KPNA6: variants seen among roughly 807,000 people sequenced by gnomAD.
KPNA6 encodes karyopherin subunit alpha 6, also known as importin subunit alpha-7.
In KPNA6, 9 loss-of-function variants were observed where a neutral mutation model predicts 72.0. The ratio of observed to expected loss-of-function variants is 0.13; its 90% CI spans 0.08 to 0.22. The LOEUF is 0.22. Ranked by LOEUF, KPNA6 falls within the 10% of genes least tolerant of loss-of-function variation. The probability of loss-of-function intolerance (pLI) is 1.00; values close to 1 mark genes in which losing one functional copy is unlikely to be tolerated. For missense variants in KPNA6, 374 were observed against 655.7 expected, an observed-to-expected ratio of 0.57 and a Z score of 4.69; for synonymous variants, 219 against 242.1, an observed-to-expected ratio of 0.90 and a Z score of 0.89.
chr1:32,176,079 G>A lies in KPNA6; in HGVS notation c.*5185G>A, dbSNP rs183710992. ...CAAGATTGTGCCAGCCTGGGCGACA[G>A]GGTGAGGCTCTTGTCTCAAAAAAAA... On this transcript the variant is annotated 3_prime_UTR_variant, in exon 14 of 14. Transcript: ENST00000373625. The A allele has an allele frequency of 1.3e-5, 2 of 152,226 alleles. No homozygotes were observed. The highest frequency in any genetic ancestry group is 4.8e-5 in the African/African-American group (2 of 41,526). The allele number at this position is 152,226 out of a possible 1,614,324, so 9.4% of individuals were successfully genotyped here.
rs77360372 is a variant in KPNA6 at position 32,141,268 on chromosome 1, G to A, written c.5-13320G>A. 5.8e-3 allele frequency among the ~76,000 whole-genome samples: 865 copies of A among 149,450 alleles called. 12 individuals carry two copies. The highest frequency in any genetic ancestry group is 0.02 in the African/African-American group (834 of 40,708). ...GAATCTCAAAATGTTAAACATACCA[G>A]TGATTAAATGGAGCACTATGGCAAT... On this transcript the variant is annotated intron_variant, in intron 1 of 13. Coordinates refer to ENST00000373625, the MANE Select transcript of KPNA6 (RefSeq NM_012316.5).
chr1:32,139,012 C>T (rs1641791682), intron 1 of KPNA6, among the ~76,000 whole-genome samples: 1 of 152,122 alleles, frequency 6.6e-6, no homozygotes, highest in South Asian at 2.1e-4. Context: ...TGCTTCACTC[C>T]AGTCACAAGG....
intron 6 of KPNA6, among the ~76,000 whole-genome samples, chr1:32,160,116 G>A (rs1642210868): frequency 6.6e-6 from 1 of 152,126 alleles, no homozygotes; most frequent in African/African-American, 2.4e-5. Flanking sequence ...GACCAACATG[G>A]TGAAACTCCA....
Position 32,167,156 on chromosome 1 carries a change from A to T in KPNA6, c.1117-13A>T. ...TTTCTCCTTCCATCTGCCTCCTCTCAATTCTCTCTCAGGCTGTTATAGATG... is the reference window on the plus strand; with the variant it reads ...TTTCTCCTTCCATCTGCCTCCTCTCTATTCTCTCTCAGGCTGTTATAGATG... On this transcript the variant is annotated splice_polypyrimidine_tract_variant and intron_variant, in intron 11 of 13. Transcript: ENST00000373625. 1 of 1,612,658 alleles carries T rather than the reference A, an allele frequency of 6.2e-7. No homozygotes were observed. The highest frequency in any genetic ancestry group is 8.5e-7 in the Non-Finnish European group (1 of 1,178,974).
intron 1 of KPNA6, among the ~76,000 whole-genome samples, chr1:32,113,009 T>G (rs1435514112): frequency 6.6e-6 from 1 of 152,206 alleles, no homozygotes; most frequent in Non-Finnish European, 1.5e-5. Context: ...TGATACTGTT[T>G]GATAACATTT....
At chr1:32,169,664 G>A (rs1442178851) in intron 12 of KPNA6, among the ~76,000 whole-genome samples, 1 of 144,248 alleles carries the variant, frequency 6.9e-6, no homozygotes, top group African/African-American at 2.6e-5. Flanking sequence ...GTTTCACCAT[G>A]TTAGCCAGGA....
chr1:32,150,654 G>C (rs1234968473), intron 1 of KPNA6, among the ~76,000 whole-genome samples: 3 of 151,550 alleles, frequency 2.0e-5, no homozygotes. Flanking sequence ...TGGAGACAGA[G>C]TCTCCCTCTG....
chr1:32,146,186 C>T (rs1641926781), intron 1 of KPNA6, among the ~76,000 whole-genome samples: 1 of 152,124 alleles, frequency 6.6e-6, no homozygotes, highest in Non-Finnish European at 1.5e-5. Context: ...CATTATTGAA[C>T]GTGGTTCATT....
chr1:32,145,553 G>A (rs1202272670), intron 1 of KPNA6, among the ~76,000 whole-genome samples: 1 of 149,832 alleles, frequency 6.7e-6, no homozygotes, highest in Non-Finnish European at 1.5e-5. Flanking sequence ...TCAGACTCCT[G>A]ACCTCAAGTG....
At chr1:32,150,127 C>CTTTTTTTT (rs35179721) in intron 1 of KPNA6, among the ~76,000 whole-genome samples, 8 of 87,058 alleles carry the variant, frequency 9.2e-5, no homozygotes, top group Non-Finnish European at 1.3e-4. Context: ...AATTTTTAGT[C>CTTTTTTTT]TTTTTTTTTT....
intron 1 of KPNA6, among the ~76,000 whole-genome samples, chr1:32,109,141 G>T (rs1350105690): frequency 6.6e-6 from 1 of 152,170 alleles, no homozygotes; most frequent in East Asian, 1.9e-4. Flanking sequence ...CTAAGCCAGG[G>T]TGAACACTCC....
At chr1:32,157,497 C>T in intron 4 of KPNA6, 52 bp downstream of exon 4, 1 of 1,301,342 alleles carries the variant, frequency 7.7e-7, no homozygotes, top group Non-Finnish European at 1.1e-6. Context: ...AGCCTCTTTT[C>T]TCTTCACTGA....
At chr1:32,136,216 G>T (rs1041024725) in intron 1 of KPNA6, among the ~76,000 whole-genome samples, 1 of 145,692 alleles carries the variant, frequency 6.9e-6, no homozygotes. Flanking sequence ...CACTCTTGTT[G>T]CCCAGGCTGG....
chr1:32,119,021 TATATATATA>T (rs1462929819), intron 1 of KPNA6, among the ~76,000 whole-genome samples: 100 of 81,420 alleles, frequency 1.2e-3, no homozygotes, highest in African/African-American at 6.6e-3. Flanking sequence ...TATATATATA[TATATATATA>T]TATTTTTTTT....
intron 1 of KPNA6, among the ~76,000 whole-genome samples, chr1:32,145,391 C>A (rs979957728): frequency 2.2e-4 from 33 of 151,116 alleles, no homozygotes; most frequent in African/African-American, 8.0e-4. Context: ...GCAGCACGAT[C>A]TCAGCTCACT....
intron 1 of KPNA6, among the ~76,000 whole-genome samples, chr1:32,138,060 G>A (rs1218872577): frequency 6.6e-6 from 1 of 151,650 alleles, no homozygotes; most frequent in Non-Finnish European, 1.5e-5. Flanking sequence ...GCATCAACCC[G>A]GGAGGCAGAG....
rs1212010883 is a variant in KPNA6 at position 32,174,251 on chromosome 1, C to G, written c.*3357C>G. The stretch of plus-strand genomic sequence containing the variant: ...AGAGCCCATTAATCTACCCCATCAA[C>G]TCTCTGCCATGAAAGCCATCTTCCA... On this transcript the variant is annotated 3_prime_UTR_variant, in exon 14 of 14. Coordinates refer to ENST00000373625, the MANE Select transcript of KPNA6 (RefSeq NM_012316.5). The G allele has an allele frequency of 6.6e-6, 1 of 152,360 alleles. No homozygotes were observed. The highest frequency in any genetic ancestry group is 2.4e-5 in the African/African-American group (1 of 41,444). The allele number at this position is 152,360 out of a possible 1,614,324, so 9.4% of individuals were successfully genotyped here. A position where few individuals can be genotyped will look rare whatever the true frequency, so the allele number is the denominator to read the frequency against.
At position 32,141,816 on chromosome 1, in the gene KPNA6, A is replaced by G. The variant is rs867304818; in HGVS notation, c.5-12772A>G. On this transcript the variant is annotated intron_variant, in intron 1 of 13. Transcript: ENST00000373625. ...ACAAGGCTTAATTAACTTGAATTTG[A>G]TATCAGACACTGGCAGGAGTCGGTG... is the stretch of plus-strand genomic sequence containing the variant. 2.6e-5 allele frequency among the ~76,000 whole-genome samples: 4 copies of G among 152,236 alleles called. No homozygotes were observed. In the South Asian group the frequency reaches 8.3e-4, roughly 32 times the overall value.
At position 32,158,368 on chromosome 1, in the gene KPNA6, C is replaced by T. The variant is rs368819693; in HGVS notation, c.426+7C>T. 1.5e-5 allele frequency: 24 copies of T among 1,577,828 alleles called. No homozygotes were observed. Among genetic ancestry groups the T allele is most frequent in the South Asian group, 3.3e-5 (3 of 89,908 alleles). Reference sequence around the variant, plus strand: ...TGAGAATTGTACATTACAGGTGAGGCCTGAAGGGAAGGGGTTTGTTTTGTC... The same window carrying T: ...TGAGAATTGTACATTACAGGTGAGGTCTGAAGGGAAGGGGTTTGTTTTGTC... On this transcript the variant is annotated splice_region_variant and intron_variant, in intron 5 of 13. Transcript: ENST00000373625.
Sources: allele counts gnomAD v4.1 joint callset (sites outside exome capture counted in the v4.1 genomes callset), GRCh38; gene constraint gnomAD v4.1.1; transcripts MANE v1.5; gene names NCBI Gene and HGNC (gene_info 2026-07-23, HGNC 2026-07-21).